The following SPAG16 variants were observed in gnomAD, a reference collection of about 807,000 sequenced individuals.
SPAG16 encodes sperm-associated antigen 16 protein.
In SPAG16, 86 loss-of-function variants were observed where a neutral mutation model predicts 80.4. The ratio of observed to expected loss-of-function variants is 1.07; its 90% confidence interval spans 0.90 to 1.28. The LOEUF (loss-of-function observed/expected upper bound fraction) is 1.28. SPAG16 is among the 50% of genes most tolerant of loss of function. The pLI is 0.00. For missense variants in SPAG16, 870 were observed against 765.3 expected, an observed-to-expected ratio of 1.14 and a Z score of -1.61; for synonymous variants, 294 against 265.9, an observed-to-expected ratio of 1.11 and a Z score of -1.03.
rs1161105754 is a variant in SPAG16, at chr2:213,284,624, C to G, written c.136+5C>G. The G allele has an allele frequency of 6.2e-7, 1 of 1,606,540 alleles. No homozygotes were observed. Among genetic ancestry groups the G allele is most frequent in the South Asian group, 1.1e-5 (1 of 90,530 alleles). ...AGGGCGCCTACTACCTGGAACGTATCCTTCCCGTGGAGGCGCGGCCCGCTG... is the reference window on the plus strand; with the variant it reads ...AGGGCGCCTACTACCTGGAACGTATGCTTCCCGTGGAGGCGCGGCCCGCTG... On this transcript the variant is annotated splice_donor_5th_base_variant and intron_variant, in intron 1 of 15. Transcript: ENST00000331683.
At chr2:214,086,068 A>C (rs751567962) in intron 13 of SPAG16, among the ~76,000 whole-genome samples, 3 of 152,182 alleles carry the variant, frequency 2.0e-5, no homozygotes, top group Admixed American at 6.5e-5. Context: ...TTATGCTTTC[A>C]TGAAACATTG....
chr2:213,701,434 G>C (rs1024195515), intron 10 of SPAG16, among the ~76,000 whole-genome samples: 1 of 152,066 alleles, frequency 6.6e-6, no homozygotes, highest in Non-Finnish European at 1.5e-5. Flanking sequence ...GCGCCTCCTC[G>C]GTCTCGGTGT....
intron 10 of SPAG16, among the ~76,000 whole-genome samples, chr2:213,719,204 A>G (rs1278128836): frequency 6.6e-6 from 1 of 152,082 alleles, no homozygotes; most frequent in Non-Finnish European, 1.5e-5. Flanking sequence ...AAGGTTTGTG[A>G]GTGCACCAAT....
chr2:214,128,193 C>G (rs909059463), intron 14 of SPAG16, among the ~76,000 whole-genome samples: 1 of 151,738 alleles, frequency 6.6e-6, no homozygotes, highest in Non-Finnish European at 1.5e-5. Context: ...GGGGGAAAAC[C>G]TCTCAAGTTA....
chr2:214,328,178 T>C (rs1214703117), intron 15 of SPAG16, among the ~76,000 whole-genome samples: 1 of 151,554 alleles, frequency 6.6e-6, no homozygotes, highest in Non-Finnish European at 1.5e-5. Context: ...TTTTTTGAGA[T>C]GGAGTCTCAC....
intron 15 of SPAG16, among the ~76,000 whole-genome samples, chr2:214,383,100 A>T (rs1700544170): frequency 6.6e-6 from 1 of 152,192 alleles, no homozygotes; most frequent in Non-Finnish European, 1.5e-5. Flanking sequence ...GAAAAAACAC[A>T]TTTCAACCTT....
chr2:213,837,109 C>T (rs1287770080), intron 10 of SPAG16, among the ~76,000 whole-genome samples: 1 of 152,150 alleles, frequency 6.6e-6, no homozygotes, highest in Non-Finnish European at 1.5e-5. Context: ...TTTTATCATC[C>T]TGAAGATTCC....
chr2:213,969,625 T>C (rs1394369254), intron 12 of SPAG16, among the ~76,000 whole-genome samples: 2 of 152,216 alleles, frequency 1.3e-5, no homozygotes. Context: ...CCTCATCAAA[T>C]ACTGAATTTA....
chr2:213,943,591 A>G (rs550395254), intron 12 of SPAG16, among the ~76,000 whole-genome samples: 1 of 152,296 alleles, frequency 6.6e-6, no homozygotes, highest in South Asian at 2.1e-4. Context: ...ATTTGCAAGC[A>G]ATACATGTGG....
intron 10 of SPAG16, among the ~76,000 whole-genome samples, chr2:213,698,244 T>A (rs1486139486): frequency 1.3e-5 from 2 of 152,108 alleles, no homozygotes; most frequent in African/African-American, 2.4e-5. Flanking sequence ...TGCAATTTTT[T>A]AAATTTATTA....
At chr2:213,870,825 A>C (rs1231725509) in intron 11 of SPAG16, among the ~76,000 whole-genome samples, 1 of 152,146 alleles carries the variant, frequency 6.6e-6, no homozygotes, top group Non-Finnish European at 1.5e-5. Context: ...GAAAGAAAAT[A>C]ATTTTTAAAA....
intron 15 of SPAG16, among the ~76,000 whole-genome samples, chr2:214,263,222 T>G (rs1259194279): frequency 6.6e-6 from 1 of 152,148 alleles, no homozygotes; most frequent in East Asian, 1.9e-4. Context: ...AGGGCACAGG[T>G]GCAATGACCC....
intron 11 of SPAG16, among the ~76,000 whole-genome samples, chr2:213,902,849 G>T (rs1229873609): frequency 6.6e-6 from 1 of 152,286 alleles, no homozygotes; most frequent in East Asian, 1.9e-4. Flanking sequence ...GATACAGTGG[G>T]GGTACAGGTA....
intron 10 of SPAG16, among the ~76,000 whole-genome samples, chr2:213,518,989 A>G (rs544314011): frequency 1.2e-4 from 19 of 152,346 alleles, no homozygotes; most frequent in South Asian, 2.1e-4. Context: ...CAAATAGCAC[A>G]TGTTCTTACT....
At chr2:213,573,906 A>T (rs906637149) in intron 10 of SPAG16, among the ~76,000 whole-genome samples, 5 of 152,188 alleles carry the variant, frequency 3.3e-5, no homozygotes, top group African/African-American at 1.2e-4. Flanking sequence ...ATCAGACTTT[A>T]ATGTGCATAC....
At chr2:214,089,608 A>C (rs1292752036) in intron 13 of SPAG16, among the ~76,000 whole-genome samples, 2 of 151,970 alleles carry the variant, frequency 1.3e-5, no homozygotes, top group Admixed American at 6.6e-5. Context: ...CTCTCATTCT[A>C]ACCTATATTC....
At chr2:214,341,353 T>C (rs1217358234) in intron 15 of SPAG16, among the ~76,000 whole-genome samples, 2 of 152,074 alleles carry the variant, frequency 1.3e-5, no homozygotes, top group African/African-American at 4.8e-5. Context: ...AAATAAATGA[T>C]AAAAGAAAAT....
intron 11 of SPAG16, among the ~76,000 whole-genome samples, chr2:213,921,848 T>C (rs1410329648): frequency 6.6e-6 from 1 of 152,236 alleles, no homozygotes; most frequent in Non-Finnish European, 1.5e-5. Context: ...GAATCCTGAA[T>C]ATAAGCACTC....
At chr2:213,284,806 C>T (rs2061994496) in intron 1 of SPAG16, 187 bp downstream of exon 1, 2 of 831,094 alleles carry the variant, frequency 2.4e-6, no homozygotes, top group Non-Finnish European at 3.6e-6. Context: ...ATTTCTCGCC[C>T]TTAGTAGCCC....
Sources: allele counts gnomAD v4.1 joint callset (sites outside exome capture counted in the v4.1 genomes callset), GRCh38; gene constraint gnomAD v4.1.1; transcripts MANE v1.5; gene names NCBI Gene and HGNC (gene_info 2026-07-23, HGNC 2026-07-21).